FIGNL2: variants seen among roughly 807,000 people sequenced by gnomAD.
The protein encoded by FIGNL2 is fidgetin like 2.
For synonymous variants in FIGNL2, 565 were observed against 484.0 expected (o/e 1.17, Z -2.20); for missense variants, 1,060 against 950.2 (o/e 1.12, Z -1.52).
intron 1 of FIGNL2, among the ~76,000 whole-genome samples, chr12:51,833,249 T>C (rs371602246): frequency 8.5e-5 from 13 of 152,234 alleles, no homozygotes; most frequent in East Asian, 5.8e-4. Flanking sequence ...GATGGGGGTC[T>C]CACTGTGTTG....
chr12:51,844,255 T>A (rs1319501026), intron 1 of FIGNL2, among the ~76,000 whole-genome samples: 1 of 152,052 alleles, frequency 6.6e-6, no homozygotes, highest in African/African-American at 2.4e-5. Flanking sequence ...TCATAACTGG[T>A]CATCAAAAAT....
At chr12:51,844,982 G>A (rs1044110259) in intron 1 of FIGNL2, 2 of 599,618 alleles carry the variant, frequency 3.3e-6, no homozygotes, top group African/African-American at 2.0e-5. Context: ...ATCAGAGAGG[G>A]ATGGACTGGG....
At chr12:51,832,414 C>T (rs1939490062) in intron 1 of FIGNL2, among the ~76,000 whole-genome samples, 2 of 152,028 alleles carry the variant, frequency 1.3e-5, no homozygotes, top group African/African-American at 4.8e-5. Context: ...TCCTGTCCTT[C>T]CATTCCTCTT....
chr12:51,829,299 G>A (rs59429712), intron 1 of FIGNL2, among the ~76,000 whole-genome samples: 9,470 of 152,260 alleles, frequency 0.062, 487 homozygotes, highest in African/African-American at 0.14. Flanking sequence ...GCCCCAGGGG[G>A]TCTCTGGCTG....
intron 1 of FIGNL2, among the ~76,000 whole-genome samples, chr12:51,834,018 CGGATGGATGGAT>C (rs1190983636): frequency 2.0e-5 from 2 of 100,040 alleles, no homozygotes; most frequent in South Asian, 3.0e-4. Context: ...GACAAATGGA[CGGATGGATGGAT>C]GGATGGATGG....
Position 51,821,016 on chromosome 12 carries a change from G to C in FIGNL2, c.1398C>G (p.Ala466=). The C allele has an allele frequency of 8.5e-7, 1 of 1,173,372 alleles. No individual in the cohort carries two copies. 72.7% of individuals were successfully genotyped at this position (1,173,372 alleles called of 1,614,324 possible). A position where few individuals can be genotyped will look rare whatever the true frequency, so the allele number is the denominator to read the frequency against. ...LRGATLAAPG[A]AEGARLLQAA... is the part of the protein sequence containing the mutation. ...CCTGGAGGAGGCGCGCGCCCTCGGCGGCGCCGGGCGCAGCCAGGGTCGCGC... is the reference window on the plus strand; with the variant it reads ...CCTGGAGGAGGCGCGCGCCCTCGGCCGCGCCGGGCGCAGCCAGGGTCGCGC... The change falls in exon 2 of 2, where the codon GCC becomes GCG. Residue 466 remains alanine (A), a synonymous_variant. Transcript: ENST00000618634.
intron 1 of FIGNL2, among the ~76,000 whole-genome samples, chr12:51,839,635 G>T (rs570861950): frequency 1.7e-4 from 26 of 152,272 alleles, no homozygotes; most frequent in African/African-American, 6.3e-4. Context: ...GCCCTTTCCA[G>T]CTCCTCCAGT....
intron 1 of FIGNL2, chr12:51,845,644 G>A: frequency 1.0e-6 from 1 of 985,382 alleles, no homozygotes; most frequent in African/African-American, 1.7e-5. Flanking sequence ...TCCAGGAGAG[G>A]CAAAGTTCTG....
At chr12:51,822,701 A>G (rs1939250671) in intron 1 of FIGNL2, among the ~76,000 whole-genome samples, 1 of 152,170 alleles carries the variant, frequency 6.6e-6, no homozygotes, top group African/African-American at 2.4e-5. Context: ...GGCAATGGTT[A>G]TTATTTTTGT....
At chr12:51,827,882 C>G (rs1426210192) in intron 1 of FIGNL2, among the ~76,000 whole-genome samples, 1 of 152,174 alleles carries the variant, frequency 6.6e-6, no homozygotes, top group Non-Finnish European at 1.5e-5. Context: ...TATTGTCATC[C>G]CCATCGCCTC....
chr12:51,847,601 C>G (rs1363007821), intron 1 of FIGNL2: 1 of 985,322 alleles, frequency 1.0e-6, no homozygotes, highest in Non-Finnish European at 1.2e-6. Flanking sequence ...CGGGCCGCCG[C>G]TGGGCGCAGG....
chr12:51,838,500 T>G (rs1330521050), intron 1 of FIGNL2, among the ~76,000 whole-genome samples: 1 of 152,174 alleles, frequency 6.6e-6, no homozygotes, highest in African/African-American at 2.4e-5. Flanking sequence ...GAGCCCACTC[T>G]AGCCAGCCCT....
At chr12:51,847,099 C>T (rs1939767912) in intron 1 of FIGNL2, 13 of 985,248 alleles carry the variant, frequency 1.3e-5, no homozygotes, top group African/African-American at 5.2e-5. Flanking sequence ...ACCACAGCAC[C>T]GGGCAGCCCG....
At chr12:51,828,671 G>A (rs1939393032) in intron 1 of FIGNL2, among the ~76,000 whole-genome samples, 1 of 152,106 alleles carries the variant, frequency 6.6e-6, no homozygotes, top group Non-Finnish European at 1.5e-5. Context: ...CATCCCTGAG[G>A]ACCACAGGCT....
At chr12:51,845,776 G>A (rs929626681) in intron 1 of FIGNL2, 142 of 515,652 alleles carry the variant, frequency 2.8e-4, no homozygotes, top group Non-Finnish European at 3.3e-4. Context: ...GTCGGAGCTT[G>A]GGGGGAGAGT....
In FIGNL2 at chr12:51,821,969, A is replaced by T. The variant is rs547997511; in HGVS notation, c.445T>A (p.Cys149Ser). Residue 149 changes from cysteine to serine, a missense_variant, in exon 2 of 2, where the codon TGC becomes AGC. Coordinates refer to ENST00000618634, the MANE Select transcript of FIGNL2 (RefSeq NM_001384995.1). ...TCGGGCGCCGCCGATGGGCCCCCGC[A>T]CGCATTGCCGGCGTAGAGGGGTTCA... ...LPEPLYAGNA[C>S]GGPSAAPEYA... 78 of 1,557,636 alleles carry T rather than the reference A, an allele frequency of 5.0e-5. No individual in the cohort carries two copies. The highest frequency in any genetic ancestry group is 4.0e-4 in the Admixed American group (21 of 51,878).
At position 51,820,167 on chromosome 12, in the gene FIGNL2, G is replaced by A. The variant is rs1241573180; in HGVS notation, c.*285C>T. 4.4e-6 allele frequency: 2 copies of A among 450,482 alleles called. No individual in the cohort carries two copies. The highest frequency in any genetic ancestry group is 4.0e-6 in the Non-Finnish European group (1 of 252,378). 27.9% of individuals were successfully genotyped at this position (450,482 alleles called of 1,614,324 possible). On this transcript the variant is annotated 3_prime_UTR_variant, in exon 2 of 2. Coordinates refer to ENST00000618634, the MANE Select transcript of FIGNL2 (RefSeq NM_001384995.1). ...AGAGCAGGAGTTCTTAAGGCCCCGG[G>A]TGCCAGCCCATGCCGGATCTGCCCG...
At chr12:51,822,579 C>G (rs549525234) in intron 1 of FIGNL2, among the ~76,000 whole-genome samples, 155 bp from the exon 2 acceptor site, 1 of 152,208 alleles carries the variant, frequency 6.6e-6, no homozygotes, top group East Asian at 1.9e-4. Context: ...GGCCCTCCCT[C>G]CAGGCACCAA....
chr12:51,838,406 G>A lies in FIGNL2; in HGVS notation c.-12+10134C>T, dbSNP rs1038245010. On this transcript the variant is annotated intron_variant, in intron 1 of 1. Coordinates refer to ENST00000618634, the MANE Select transcript of FIGNL2 (RefSeq NM_001384995.1). ...CTGCTCCAGGTACCCCACCCCAATA[G>A]AGCCTGTACCCATTAGTAACCTGGG... 4.6e-5 allele frequency among the ~76,000 whole-genome samples: 7 copies of A among 152,224 alleles called. 1 individual carries two copies. Among genetic ancestry groups the A allele is most frequent in the South Asian group, 2.1e-4 (1 of 4,824 alleles).
Sources: gnomAD v4.1 joint callset for allele counts (sites outside exome capture counted in the v4.1 genomes callset) on GRCh38, gnomAD v4.1.1 for gene constraint, MANE v1.5 for transcripts, NCBI Gene and HGNC (gene_info 2026-07-23, HGNC 2026-07-21) for gene names.